DYM: variants seen among roughly 807,000 people sequenced by gnomAD.
The protein encoded by DYM is dyggve-Melchior-Clausen syndrome protein.
DYM carries 78 observed loss-of-function variants against 93.1 expected under a neutral mutation model. The observed-to-expected ratio is 0.84, with a 90% CI of 0.70 to 1.01. The LOEUF (loss-of-function observed/expected upper bound fraction) is 1.01, where lower values mean the gene tolerates loss of function less well. DYM is among the 50% of genes least tolerant of loss of function. DYM has a pLI of 0.00. For missense variants in DYM, 789 were observed against 845.0 expected, an observed-to-expected ratio of 0.93 and a Z score of 0.82; for synonymous variants, 321 against 319.7, an observed-to-expected ratio of 1.00 and a Z score of -0.04.
Position 49,042,454 on chromosome 18 carries a change from G to GC in DYM, c.*1600dup, listed in dbSNP as rs1415635302. On this transcript the variant is annotated 3_prime_UTR_variant, in exon 18 of 18. Transcript: ENST00000675505. ...GCTTGGCCAGGCCTTCCCGTGTGGA[G>GC]CCCACACAGTGGTGCACTGAGAGGC... The GC allele has an allele frequency of 6.6e-6, 1 of 152,342 alleles. No individual in the cohort carries two copies. The highest frequency in any genetic ancestry group is 1.5e-5 in the Non-Finnish European group (1 of 68,120). The allele number at this position is 152,342 out of a possible 1,614,324, so 9.4% of individuals were successfully genotyped here. A position where few individuals can be genotyped will look rare whatever the true frequency, so the allele number is the denominator to read the frequency against.
intron 13 of DYM, among the ~76,000 whole-genome samples, chr18:49,254,601 C>T (rs1021186654): frequency 6.6e-6 from 1 of 152,068 alleles, no homozygotes; most frequent in Non-Finnish European, 1.5e-5. Flanking sequence ...CAGATTAAAA[C>T]TTGGACACAG....
chr18:49,173,554 G>A (rs1032305378), intron 14 of DYM, among the ~76,000 whole-genome samples: 1 of 151,922 alleles, frequency 6.6e-6, no homozygotes, highest in African/African-American at 2.4e-5. Context: ...TGATGCTGCC[G>A]TAAATGGCAT....
intron 15 of DYM, among the ~76,000 whole-genome samples, chr18:49,135,957 T>G (rs890333307): frequency 6.6e-6 from 1 of 152,210 alleles, no homozygotes; most frequent in Non-Finnish European, 1.5e-5. Flanking sequence ...TGACCAAAAG[T>G]TGTATTTATG....
chr18:49,041,321 A>G lies in DYM; in HGVS notation c.*2734T>C, dbSNP rs1180959128. On this transcript the variant is annotated 3_prime_UTR_variant, in exon 18 of 18. Coordinates refer to ENST00000675505, the MANE Select transcript of DYM (RefSeq NM_001353214.3). ...TGTGGCAGAAGTCTTTGTTGATAAA[A>G]TGACACAATGCAGTAACAGCTTCAG... 6.6e-6 allele frequency among the ~76,000 whole-genome samples: 1 copy of G among 152,230 alleles called. No individual in the cohort carries two copies. The highest frequency in any genetic ancestry group is 2.4e-5 in the African/African-American group (1 of 41,462).
intron 3 of DYM, among the ~76,000 whole-genome samples, chr18:49,380,524 C>A (rs2067946059): frequency 6.6e-6 from 1 of 152,198 alleles, no homozygotes; most frequent in Admixed American, 6.5e-5. Flanking sequence ...GTATCACTTG[C>A]ATTTCACCGA....
rs540189318 is a variant in DYM, at chr18:49,195,916, C to CTTTTTTTTTTTTTTT, written c.1625+13620_1625+13634dup. 4.3e-4 allele frequency among the ~76,000 whole-genome samples: 36 copies of CTTTTTTTTTTTTTTT among 84,036 alleles called. 5 individuals are homozygous for CTTTTTTTTTTTTTTT. Among genetic ancestry groups the CTTTTTTTTTTTTTTT allele is most frequent in the African/African-American group, 1.9e-3 (33 of 17,746 alleles). 55.1% of individuals were successfully genotyped at this position (84,036 alleles called of 152,430 possible). ...ATTATGCTCTCTTGAATGCTACCAT[C>CTTTTTTTTTTTTTTT]TTTTTTTTTTTTTTTTTTTTTTTTT... On this transcript the variant is annotated intron_variant, in intron 14 of 17. Transcript: ENST00000675505.
chr18:49,065,880 T>C (rs956473844), intron 17 of DYM, among the ~76,000 whole-genome samples: 2 of 152,060 alleles, frequency 1.3e-5, no homozygotes, highest in African/African-American at 2.4e-5. Flanking sequence ...TCATTTGATT[T>C]TTATATGCAA....
chr18:49,093,209 C>T (rs376855406), intron 17 of DYM: 5 of 152,122 alleles, frequency 3.3e-5, no homozygotes, highest in Non-Finnish European at 7.3e-5. Flanking sequence ...GGAGCATGAT[C>T]GGCTCACCTG....
intron 6 of DYM, among the ~76,000 whole-genome samples, chr18:49,335,650 G>A (rs915139869): frequency 3.9e-5 from 6 of 151,980 alleles, no homozygotes; most frequent in Non-Finnish European, 8.8e-5. Flanking sequence ...CATAGCCCAC[G>A]CCTGTCTGGA....
intron 1 of DYM, among the ~76,000 whole-genome samples, chr18:49,439,934 T>C (rs1234193291): frequency 6.6e-6 from 1 of 151,682 alleles, no homozygotes; most frequent in Non-Finnish European, 1.5e-5. Flanking sequence ...AAATCCAGGA[T>C]TTTGAAGTTG....
intron 13 of DYM, among the ~76,000 whole-genome samples, chr18:49,233,492 A>G (rs981891864): frequency 2.6e-5 from 4 of 152,162 alleles, no homozygotes; most frequent in Admixed American, 6.5e-5. Flanking sequence ...ATGTAGTTAC[A>G]TGACAGATTT....
chr18:49,167,370 T>C (rs1333343229), intron 14 of DYM, among the ~76,000 whole-genome samples: 2 of 152,152 alleles, frequency 1.3e-5, no homozygotes, highest in African/African-American at 2.4e-5. Context: ...ATACTGCTTC[T>C]AGCTATCTTT....
intron 16 of DYM, among the ~76,000 whole-genome samples, chr18:49,107,892 C>T (rs1486016220): frequency 2.6e-5 from 4 of 152,242 alleles, no homozygotes; most frequent in Admixed American, 2.6e-4. Flanking sequence ...ATTCTCAGAT[C>T]TCCAGCTGCA....
At chr18:49,232,886 G>A (rs1403382485) in intron 13 of DYM, among the ~76,000 whole-genome samples, 3 of 151,846 alleles carry the variant, frequency 2.0e-5, no homozygotes, top group East Asian at 1.9e-4. Flanking sequence ...CTGGGATTAC[G>A]GGAGTGACCA....
chr18:49,209,212 C>A (rs974892780), intron 14 of DYM, among the ~76,000 whole-genome samples: 6 of 152,172 alleles, frequency 3.9e-5, no homozygotes, highest in Non-Finnish European at 8.8e-5. Context: ...GTCATAGTAA[C>A]TGTAGAGTCT....
chr18:49,353,634 G>A (rs74556321), intron 6 of DYM, among the ~76,000 whole-genome samples: 1,547 of 151,926 alleles, frequency 0.01, 41 homozygotes, highest in South Asian at 0.076. Context: ...CTGAGCAGAC[G>A]TCAATAAATA....
chr18:49,440,241 G>A (rs2081221852), intron 1 of DYM, among the ~76,000 whole-genome samples: 1 of 141,026 alleles, frequency 7.1e-6, no homozygotes, highest in East Asian at 2.3e-4. Context: ...TGTAAATGAT[G>A]CCCTAATGCC....
chr18:49,371,132 TGG>T (rs2067001793), intron 5 of DYM, among the ~76,000 whole-genome samples: 1 of 152,178 alleles, frequency 6.6e-6, no homozygotes, highest in Admixed American at 6.5e-5. Flanking sequence ...GATGCTAACA[TGG>T]CATCAGGTGT....
At chr18:49,371,278 T>G (rs900604429) in intron 5 of DYM, among the ~76,000 whole-genome samples, 1 of 152,164 alleles carries the variant, frequency 6.6e-6, no homozygotes, top group Non-Finnish European at 1.5e-5. Flanking sequence ...GGCAGGAGGA[T>G]TGCTTGAGGC....
Sources: allele counts gnomAD v4.1 joint callset (sites outside exome capture counted in the v4.1 genomes callset), GRCh38; gene constraint gnomAD v4.1.1; transcripts MANE v1.5; gene names NCBI Gene and HGNC (gene_info 2026-07-23, HGNC 2026-07-21).